The following DUSP22 variants were observed in gnomAD, a reference collection of about 807,000 sequenced individuals.
The protein encoded by DUSP22 is dual specificity protein phosphatase 22.
A neutral mutation model predicts 24.5 loss-of-function variants in DUSP22; 24 were observed. That is an observed-to-expected ratio of 0.98 (90% CI 0.71 to 1.38). The LOEUF (loss-of-function observed/expected upper bound fraction) is 1.38. DUSP22 is among the 40% of genes most tolerant of loss of function. The pLI, the probability that DUSP22 is intolerant of heterozygous loss-of-function variation, is 0.00. For synonymous variants in DUSP22, 160 were observed against 106.4 expected, an observed-to-expected ratio of 1.50 and a Z score of -3.10; for missense variants, 330 against 269.2, an observed-to-expected ratio of 1.23 and a Z score of -1.58.
intron 4 of DUSP22, among the ~76,000 whole-genome samples, chr6:336,727 G>C (rs1759376374): frequency 1.3e-5 from 2 of 152,294 alleles, no homozygotes; most frequent in Admixed American, 6.5e-5. Flanking sequence ...GAGGATGGTG[G>C]AGGGGGGATT....
At chr6:345,781 C>G in intron 4 of DUSP22, 73 bp from the exon 5 acceptor site, 2 of 1,548,768 alleles carry the variant, frequency 1.3e-6, no homozygotes, top group Non-Finnish European at 1.8e-6. Context: ...AAAGAAGCCT[C>G]AGGTAGAATT....
intron 3 of DUSP22, among the ~76,000 whole-genome samples, chr6:333,464 A>G (rs1759225777): frequency 6.6e-6 from 1 of 152,306 alleles, no homozygotes; most frequent in Non-Finnish European, 1.5e-5. Flanking sequence ...GATTCAAAGC[A>G]TACAGAAACT....
Position 311,865 on chromosome 6 carries a change from T to C in DUSP22, c.56-15T>C. 6.2e-7 allele frequency: 1 copy of C among 1,609,420 alleles called. No homozygotes were observed. The highest frequency in any genetic ancestry group is 8.5e-7 in the Non-Finnish European group (1 of 1,177,310). ...CAAAGATATCAAAATGTCCATCCCCTTTCTTCTCTGACAGATGCCAGAGAC... is the reference window on the plus strand; with the variant it reads ...CAAAGATATCAAAATGTCCATCCCCCTTCTTCTCTGACAGATGCCAGAGAC... On this transcript the variant is annotated splice_polypyrimidine_tract_variant and intron_variant, in intron 2 of 6. Transcript: ENST00000419235.
rs1757731895 is a variant in DUSP22 at position 304,500 on chromosome 6, T to C, written c.22-128T>C. 1.3e-5 allele frequency: 18 copies of C among 1,381,828 alleles called. No individual in the cohort carries two copies. The South Asian group carries it at 2.1e-4, about 16-fold the overall frequency. The allele number at this position is 1,381,828 out of a possible 1,614,324, so 85.6% of individuals were successfully genotyped here. A position where few individuals can be genotyped will look rare whatever the true frequency, so the allele number is the denominator to read the frequency against. ...GGATGTTGGGTCACCCGCGTGTCTG[T>C]CAGGGAGGTGCTGTACTGGGGAAGC... On this transcript the variant is annotated intron_variant, in intron 1 of 6. Coordinates refer to ENST00000419235, the MANE Select transcript of DUSP22 (RefSeq NM_001286555.3).
At chr6:342,408 C>T (rs568514846) in intron 4 of DUSP22, among the ~76,000 whole-genome samples, 700 of 152,230 alleles carry the variant, frequency 4.6e-3, no homozygotes, top group Non-Finnish European at 7.2e-3. Context: ...AGGAGGGTGC[C>T]GTCCAGCTGC....
At chr6:305,266 A>C (rs1402806524) in intron 2 of DUSP22, among the ~76,000 whole-genome samples, 1 of 152,302 alleles carries the variant, frequency 6.6e-6, no homozygotes, top group Non-Finnish European at 1.5e-5. Context: ...CAGCCCCTTG[A>C]CCATCACCTG....
At chr6:309,603 T>G (rs1452900331) in intron 2 of DUSP22, among the ~76,000 whole-genome samples, 1 of 152,290 alleles carries the variant, frequency 6.6e-6, no homozygotes, top group African/African-American at 2.4e-5. Flanking sequence ...TGGAGATTCC[T>G]CAGCCCCAGG....
Position 348,883 on chromosome 6 carries a change from G to A in DUSP22, c.550G>A (p.Ala184Thr), listed in dbSNP as rs201316493. ...EQGRTEPQPG[A>T]RRWSSFPALA... ...AGGGCGCACAGAGCCCCAGCCCGGC[G>A]CCAGGCGGTGGAGCAGTTTTCCGGC... Residue 184 changes from alanine to threonine, a missense_variant, in exon 7 of 7, where the codon GCC becomes ACC. Transcript: ENST00000419235. The A allele has an allele frequency of 8.5e-5, 137 of 1,614,006 alleles. No individual in the cohort carries two copies. The highest frequency in any genetic ancestry group is 1.6e-4 in the Middle Eastern group (1 of 6,080).
chr6:327,539 T>C (rs1231543427), intron 3 of DUSP22, among the ~76,000 whole-genome samples: 3 of 152,302 alleles, frequency 2.0e-5, no homozygotes, highest in Admixed American at 1.3e-4. Context: ...TGATAGATGA[T>C]GACCACAGCC....
rs573824662 is a variant in DUSP22 at position 349,071 on chromosome 6, G to A, written c.*120G>A. ...GGAGATAGCCAGGGCGAGGTGGGGC[G>A]AGGGCTCCTTCCCCCAAGCAACACC... On this transcript the variant is annotated 3_prime_UTR_variant, in exon 7 of 7. Transcript: ENST00000419235. 341 of 1,477,220 alleles carry A rather than the reference G, an allele frequency of 2.3e-4. No homozygotes were observed. Among genetic ancestry groups the A allele is most frequent in the South Asian group, 2.1e-3 (155 of 72,372 alleles). The allele number at this position is 1,477,220 out of a possible 1,614,324, so 91.5% of individuals were successfully genotyped here. A position where few individuals can be genotyped will look rare whatever the true frequency, so the allele number is the denominator to read the frequency against.
chr6:305,641 C>T (rs1343316988), intron 2 of DUSP22, among the ~76,000 whole-genome samples: 2 of 152,296 alleles, frequency 1.3e-5, no homozygotes, highest in African/African-American at 2.4e-5. Flanking sequence ...GGCTTGTCGG[C>T]TTCCAGGGAG....
chr6:346,025 C>G, intron 5 of DUSP22, 97 bp downstream of exon 5: 4 of 1,474,712 alleles, frequency 2.7e-6, no homozygotes, highest in Non-Finnish European at 3.8e-6. Context: ...GTTTCACCTC[C>G]TAATAGTTTT....
intron 3 of DUSP22, among the ~76,000 whole-genome samples, chr6:334,044 A>G (rs1348436369): frequency 6.6e-6 from 1 of 152,310 alleles, no homozygotes; most frequent in African/African-American, 2.4e-5. Flanking sequence ...TAATGGTAAA[A>G]GTTTAATTAA....
chr6:328,134 G>GT (rs1268485398), intron 3 of DUSP22, among the ~76,000 whole-genome samples: 4 of 152,302 alleles, frequency 2.6e-5, no homozygotes, highest in Admixed American at 6.5e-5. Flanking sequence ...ACTCATGGCA[G>GT]TTTTTTGAGA....
At chr6:320,883 C>T (rs1313631376) in intron 3 of DUSP22, among the ~76,000 whole-genome samples, 5 of 152,292 alleles carry the variant, frequency 3.3e-5, no homozygotes, top group African/African-American at 1.2e-4. Flanking sequence ...CCTCCAGACT[C>T]AGCAAACATT....
intron 4 of DUSP22, among the ~76,000 whole-genome samples, chr6:339,619 T>G (rs1489919574): frequency 1.3e-5 from 2 of 152,426 alleles, no homozygotes; most frequent in Non-Finnish European, 2.9e-5. Flanking sequence ...TATACATCAT[T>G]GCAGTAGCGC....
chr6:341,002 A>T (rs867099565), intron 4 of DUSP22, among the ~76,000 whole-genome samples: 4 of 152,308 alleles, frequency 2.6e-5, no homozygotes, highest in South Asian at 4.1e-4. Context: ...TTGGCCTTTG[A>T]TGCAGAAAGG....
In DUSP22 at chr6:351,067, C is replaced by A; in HGVS notation, c.*2116C>A. 1.2e-6 allele frequency: 1 copy of A among 848,536 alleles called. No individual in the cohort carries two copies. Among genetic ancestry groups the A allele is most frequent in the Non-Finnish European group, 1.8e-6 (1 of 561,368 alleles). 52.6% of individuals were successfully genotyped at this position (848,536 alleles called of 1,614,324 possible). A position where few individuals can be genotyped will look rare whatever the true frequency, so the allele number is the denominator to read the frequency against. On this transcript the variant is annotated 3_prime_UTR_variant, in exon 7 of 7. Coordinates refer to ENST00000419235, the MANE Select transcript of DUSP22 (RefSeq NM_001286555.3). Reference sequence around the variant, plus strand: ...AAGAGAAAATATTTTCCCCTTATCCCCACTGCTGTGGAGGTTTCTGTACCT... The same window carrying A: ...AAGAGAAAATATTTTCCCCTTATCCACACTGCTGTGGAGGTTTCTGTACCT...
intron 3 of DUSP22, among the ~76,000 whole-genome samples, chr6:326,633 G>C (rs1248355835): frequency 6.6e-6 from 1 of 152,306 alleles, no homozygotes; most frequent in African/African-American, 2.4e-5. Flanking sequence ...TATGCAGATG[G>C]GATTGCCCTT....
Sources: gnomAD v4.1 joint callset for allele counts (sites outside exome capture counted in the v4.1 genomes callset) on GRCh38, gnomAD v4.1.1 for gene constraint, MANE v1.5 for transcripts, NCBI Gene and HGNC (gene_info 2026-07-23, HGNC 2026-07-21) for gene names.